The following TRIM5 variants were observed in gnomAD, a reference collection of about 807,000 sequenced individuals.
The protein encoded by TRIM5 is tripartite motif containing 5, also known as tripartite motif-containing protein 5.
A neutral mutation model predicts 35.6 loss-of-function variants in TRIM5; 31 were observed. The ratio of observed to expected loss-of-function variants is 0.87; its 90% confidence interval spans 0.65 to 1.18. TRIM5 has a LOEUF of 1.18. Among genes scored for constraint, TRIM5 ranks in the 50% most tolerant of loss-of-function variants. The probability of loss-of-function intolerance (pLI) is 0.00; values close to 1 mark genes in which losing one functional copy is unlikely to be tolerated. For missense variants in TRIM5, 609 were observed against 591.6 expected (o/e 1.03, Z -0.31); for synonymous variants, 243 against 215.6 (o/e 1.13, Z -1.11).
At chr11:5,634,864 A>G in the TRIM5 span, 1 of 1,610,838 alleles carries the variant, frequency 6.2e-7, no homozygotes, top group Non-Finnish European at 8.5e-7. Flanking sequence ...TGCTGCAGGT[A>G]AGAAGGTTCG....
the TRIM5 span, chr11:5,641,205 C>T: frequency 6.2e-7 from 1 of 1,613,616 alleles, no homozygotes; most frequent in Non-Finnish European, 8.5e-7. Context: ...TATGGGTGGC[C>T]AGGAGTGGTG....
At chr11:5,677,913 TG>T in intron 4 of TRIM5, 1 of 255,004 alleles carries the variant, frequency 3.9e-6, no homozygotes, top group East Asian at 7.4e-5. Context: ...AAAGCTGCAC[TG>T]GTAAGTCTCA....
At position 5,664,390 on chromosome 11, in the gene TRIM5, G is replaced by A. The variant is rs1024432683; in HGVS notation, c.*419C>T. ...TCTTTAACTCACAAATAAGGGCATC[G>A]AGGGTAAACTGACACAGGGCTAAGG... On this transcript the variant is annotated 3_prime_UTR_variant, in exon 8 of 8. Coordinates refer to ENST00000380034, the MANE Select transcript of TRIM5 (RefSeq NM_033034.3). The A allele has an allele frequency of 5.0e-5, 50 of 995,122 alleles. No homozygotes were observed. Among genetic ancestry groups the A allele is most frequent in the African/African-American group, 2.3e-4 (13 of 57,302 alleles). The allele number at this position is 995,122 out of a possible 1,614,324, so 61.6% of individuals were successfully genotyped here. A position where few individuals can be genotyped will look rare whatever the true frequency, so the allele number is the denominator to read the frequency against.
chr11:5,644,577 T>C, the TRIM5 span, among the ~76,000 whole-genome samples: 1 of 152,224 alleles, frequency 6.6e-6, no homozygotes, highest in Non-Finnish European at 1.5e-5. Flanking sequence ...TTCTTTTTTA[T>C]TGTACATATT....
At chr11:5,634,754 A>T in the TRIM5 span, 1 of 1,613,988 alleles carries the variant, frequency 6.2e-7, no homozygotes, top group African/African-American at 1.3e-5. Flanking sequence ...GACGCTGGAT[A>T]AGTTTGCAGA....
chr11:5,677,704 C>G (rs1282762061), intron 4 of TRIM5, among the ~76,000 whole-genome samples: 3 of 152,188 alleles, frequency 2.0e-5, no homozygotes. Flanking sequence ...GCTGGGATTA[C>G]AGGCGTGAGC....
chr11:5,663,436 A>G lies in TRIM5; in HGVS notation c.*1373T>C. ...AGTAGTATCTGAGATCTAAAAAATG[A>G]GAATTTAGTAAATCCAATCCTAGTT... is the stretch of plus-strand genomic sequence containing the variant. On this transcript the variant is annotated 3_prime_UTR_variant, in exon 8 of 8. Coordinates refer to ENST00000380034, the MANE Select transcript of TRIM5 (RefSeq NM_033034.3). 4.1e-6 allele frequency: 4 copies of G among 985,210 alleles called. No homozygotes were observed. The highest frequency in any genetic ancestry group is 4.8e-6 in the Non-Finnish European group (4 of 829,700). The allele number at this position is 985,210 out of a possible 1,614,324, so 61.0% of individuals were successfully genotyped here. A position where few individuals can be genotyped will look rare whatever the true frequency, so the allele number is the denominator to read the frequency against.
At chr11:5,601,855 G>A in the TRIM5 span, among the ~76,000 whole-genome samples, 1 of 152,112 alleles carries the variant, frequency 6.6e-6, no homozygotes. Flanking sequence ...GCTCTATGTG[G>A]AGCAGGGCCG....
the TRIM5 span, among the ~76,000 whole-genome samples, chr11:5,634,304 G>A: frequency 5.9e-5 from 9 of 151,774 alleles, no homozygotes; most frequent in Non-Finnish European, 1.2e-4. Flanking sequence ...TTTATATTTT[G>A]TCTCAGGGTT....
At chr11:5,627,244 G>C in the TRIM5 span, among the ~76,000 whole-genome samples, 1 of 152,034 alleles carries the variant, frequency 6.6e-6, no homozygotes, top group Non-Finnish European at 1.5e-5. Context: ...GCTGGGCGTT[G>C]TGGCAGGCAC....
intron 1 of TRIM5, among the ~76,000 whole-genome samples, chr11:5,681,868 G>A (rs768408852): frequency 1.8e-5 from 2 of 110,640 alleles, no homozygotes; most frequent in East Asian, 7.5e-4. Flanking sequence ...GCACAATCTC[G>A]GCTCACCACA....
chr11:5,677,679 T>C (rs1454061890), intron 4 of TRIM5, among the ~76,000 whole-genome samples: 1 of 152,212 alleles, frequency 6.6e-6, no homozygotes, highest in Non-Finnish European at 1.5e-5. Context: ...CTGGCCCTCC[T>C]GGGCCTCCCA....
At chr11:5,593,376 T>C in the TRIM5 span, among the ~76,000 whole-genome samples, 1 of 152,228 alleles carries the variant, frequency 6.6e-6, no homozygotes, top group Non-Finnish European at 1.5e-5. Flanking sequence ...AGGAATCATC[T>C]AACACTGCTT....
the TRIM5 span, chr11:5,608,293 G>A: frequency 1.1e-5 from 17 of 1,592,148 alleles, no homozygotes; most frequent in Non-Finnish European, 1.4e-5. Flanking sequence ...ATATCATGGG[G>A]TAGGGGACAT....
chr11:5,594,656 G>T, the TRIM5 span, among the ~76,000 whole-genome samples: 1 of 151,992 alleles, frequency 6.6e-6, no homozygotes. Flanking sequence ...GAAGCCCTAT[G>T]CTGACAAGAC....
chr11:5,623,960 T>C, the TRIM5 span, among the ~76,000 whole-genome samples: 2 of 152,162 alleles, frequency 1.3e-5, no homozygotes, highest in Non-Finnish European at 2.9e-5. Context: ...TAGGATTGTT[T>C]TGATGCATAC....
the TRIM5 span, among the ~76,000 whole-genome samples, chr11:5,627,306 G>A: frequency 3.7e-4 from 57 of 152,062 alleles, no homozygotes; most frequent in Non-Finnish European, 4.4e-4. Context: ...CTTGAACCCA[G>A]CAAGCAGAGG....
chr11:5,607,169 A>G, the TRIM5 span, among the ~76,000 whole-genome samples: 157 of 152,224 alleles, frequency 1.0e-3, no homozygotes, highest in African/African-American at 3.6e-3. Context: ...GCACCACTGC[A>G]CTCCAGCCTG....
the TRIM5 span, among the ~76,000 whole-genome samples, chr11:5,636,551 G>A: frequency 6.6e-6 from 1 of 152,084 alleles, no homozygotes; most frequent in Non-Finnish European, 1.5e-5. Flanking sequence ...AAACAAAAAG[G>A]TTCCGTAGGC....
Sources: allele counts gnomAD v4.1 joint callset (sites outside exome capture counted in the v4.1 genomes callset), GRCh38; gene constraint gnomAD v4.1.1; transcripts MANE v1.5; gene names NCBI Gene and HGNC (gene_info 2026-07-23, HGNC 2026-07-21).